NRXN1: variants seen among roughly 807,000 people sequenced by gnomAD.
The protein encoded by NRXN1 is neurexin-1.
A neutral mutation model predicts 150.9 loss-of-function variants in NRXN1; 39 were observed. The observed-to-expected ratio is 0.26, with a 90% CI of 0.20 to 0.34. NRXN1 has a LOEUF of 0.34. Among genes scored for constraint, NRXN1 ranks in the 10% least tolerant of loss-of-function variants. NRXN1 has a pLI of 1.00. For synonymous variants in NRXN1, 924 were observed against 757.0 expected, an observed-to-expected ratio of 1.22 and a Z score of -3.62; for missense variants, 1,815 against 1,949.9, an observed-to-expected ratio of 0.93 and a Z score of 1.30.
intron 17 of NRXN1, among the ~76,000 whole-genome samples, chr2:50,269,819 G>GC (rs1413457218): frequency 6.6e-6 from 1 of 152,106 alleles, no homozygotes; most frequent in Non-Finnish European, 1.5e-5. Context: ...TTAACATTGA[G>GC]CCTTAAAGAG....
intron 5 of NRXN1, among the ~76,000 whole-genome samples, chr2:50,699,103 A>G (rs927231023): frequency 1.3e-5 from 2 of 152,220 alleles, no homozygotes; most frequent in Non-Finnish European, 2.9e-5. Context: ...TGTATGTACC[A>G]TGCAGGAAAC....
chr2:50,187,333 A>G (rs2061146239), intron 18 of NRXN1, among the ~76,000 whole-genome samples: 2 of 152,114 alleles, frequency 1.3e-5, no homozygotes, highest in African/African-American at 4.8e-5. Context: ...TATATATTTA[A>G]TTAACATTTA....
intron 5 of NRXN1, among the ~76,000 whole-genome samples, chr2:50,891,533 T>C (rs1681066517): frequency 6.6e-6 from 1 of 152,100 alleles, no homozygotes; most frequent in South Asian, 2.1e-4. Flanking sequence ...TTATGCTGTT[T>C]GAAAGATTCT....
intron 22 of NRXN1, among the ~76,000 whole-genome samples, chr2:49,931,395 G>T (rs1200923951): frequency 5.3e-5 from 8 of 152,010 alleles, no homozygotes; most frequent in African/African-American, 9.7e-5. Flanking sequence ...TAATCCCAAT[G>T]ACTAAAGTCA....
intron 5 of NRXN1, among the ~76,000 whole-genome samples, chr2:50,752,527 C>T (rs531161468): frequency 5.3e-5 from 8 of 151,992 alleles, no homozygotes; most frequent in African/African-American, 1.9e-4. Flanking sequence ...AATCGTGAAG[C>T]AATCTACGTT....
chr2:50,200,953 G>T (rs986241147), intron 18 of NRXN1, among the ~76,000 whole-genome samples: 17 of 151,786 alleles, frequency 1.1e-4, no homozygotes, highest in Non-Finnish European at 2.9e-5. Flanking sequence ...GCTATAAATC[G>T]ACTTCTGAAA....
chr2:50,293,939 C>T (rs955554628), intron 17 of NRXN1, among the ~76,000 whole-genome samples: 1 of 152,156 alleles, frequency 6.6e-6, no homozygotes, highest in Admixed American at 6.6e-5. Flanking sequence ...TTCATTGTAA[C>T]CTGAATAAAT....
In NRXN1 at chr2:50,347,067, G is replaced by T; in HGVS notation, c.3365-110097C>A. 7.2e-7 allele frequency: 1 copy of T among 1,380,026 alleles called. No homozygotes were observed. Among genetic ancestry groups the T allele is most frequent in the East Asian group, 4.3e-5 (1 of 23,386 alleles). 85.5% of individuals were successfully genotyped at this position (1,380,026 alleles called of 1,614,324 possible). ...GGGCTGAGGGGCCGGCCGCCTCACC[G>T]CGCCAGGGCACCCATCCTCTCCCTC... On this transcript the variant is annotated intron_variant, in intron 17 of 22. Coordinates refer to ENST00000401669, the MANE Select transcript of NRXN1 (RefSeq NM_001330078.2). This position sits in a 1 kb window ranked among gnomAD's most constrained non-coding sequence, Gnocchi z 4.9.
chr2:50,221,112 C>G (rs2063850761), intron 18 of NRXN1, among the ~76,000 whole-genome samples: 1 of 151,956 alleles, frequency 6.6e-6, no homozygotes, highest in Admixed American at 6.6e-5. Flanking sequence ...GTGTCTTACC[C>G]AGTCTCACCC....
intron 5 of NRXN1, among the ~76,000 whole-genome samples, chr2:50,719,017 T>C (rs1045200606): frequency 6.7e-6 from 1 of 150,252 alleles, no homozygotes; most frequent in Non-Finnish European, 1.5e-5. Context: ...AATATATTCA[T>C]AAATACATAA....
chr2:50,470,058 T>C (rs945411382), intron 16 of NRXN1, among the ~76,000 whole-genome samples: 2 of 151,672 alleles, frequency 1.3e-5, no homozygotes, highest in South Asian at 4.1e-4. Context: ...ATTTTCTATC[T>C]CATTGGGTAT....
At position 50,240,958 on chromosome 2, in the gene NRXN1, G is replaced by A. The variant is rs185585316; in HGVS notation, c.3365-3988C>T. Among the ~76,000 whole-genome samples the A allele has an allele frequency of 9.9e-3, 1,509 of 151,684 alleles. 9 individuals are homozygous for A. The highest frequency in any genetic ancestry group is 0.018 in the Non-Finnish European group (1,202 of 67,668). The stretch of plus-strand genomic sequence containing the variant: ...TTTTAATATGAAAGCCTTCAGAAAA[G>A]TTGGACATATTTCAAAGTTATGTCC... On this transcript the variant is annotated intron_variant, in intron 17 of 22. Transcript: ENST00000401669.
chr2:50,550,934 G>C (rs1269520511), intron 9 of NRXN1, among the ~76,000 whole-genome samples: 1 of 151,820 alleles, frequency 6.6e-6, no homozygotes, highest in East Asian at 2.0e-4. Context: ...GCCTGCCTTG[G>C]CCTCCCAAAG....
At chr2:50,015,636 A>G (rs1476679683) in intron 21 of NRXN1, among the ~76,000 whole-genome samples, 1 of 151,776 alleles carries the variant, frequency 6.6e-6, no homozygotes, top group African/African-American at 2.4e-5. Context: ...TTTCAATGAT[A>G]ATGTTCCATG....
At chr2:50,935,614 C>G (rs938933059) in intron 2 of NRXN1, among the ~76,000 whole-genome samples, 1 of 152,078 alleles carries the variant, frequency 6.6e-6, no homozygotes, top group Admixed American at 6.6e-5. Flanking sequence ...GTAATTCCAG[C>G]TACTCAGGAG....
intron 17 of NRXN1, among the ~76,000 whole-genome samples, chr2:50,252,867 T>A (rs1232786143): frequency 6.6e-6 from 1 of 152,192 alleles, no homozygotes; most frequent in Non-Finnish European, 1.5e-5. Context: ...TTTATTCTCT[T>A]CATTTAGGAT....
intron 18 of NRXN1, among the ~76,000 whole-genome samples, chr2:50,108,311 T>A (rs1238965592): frequency 1.3e-5 from 2 of 152,070 alleles, no homozygotes; most frequent in African/African-American, 4.8e-5. Context: ...AGATGGCTGC[T>A]GCATATATTG....
chr2:50,636,913 A>G (rs917730019), intron 5 of NRXN1, among the ~76,000 whole-genome samples: 5 of 152,208 alleles, frequency 3.3e-5, no homozygotes, highest in Non-Finnish European at 7.3e-5. Context: ...TTTAAAAGAA[A>G]GCTAATATTA....
At chr2:50,362,953 T>C (rs2153011444) in intron 17 of NRXN1, among the ~76,000 whole-genome samples, 1 of 152,268 alleles carries the variant, frequency 6.6e-6, no homozygotes, top group East Asian at 1.9e-4. Context: ...TACAACCATC[T>C]TTTCTTTAAC....
Sources: allele counts gnomAD v4.1 joint callset (sites outside exome capture counted in the v4.1 genomes callset), GRCh38; gene constraint gnomAD v4.1.1; non-coding constraint Gnocchi (gnomAD v3.1); transcripts MANE v1.5; gene names NCBI Gene and HGNC (gene_info 2026-07-23, HGNC 2026-07-21).